The following CCN4 variants were observed in gnomAD, a reference collection of about 807,000 sequenced individuals.
The protein encoded by CCN4 is CCN family member 4.
In CCN4, 30 loss-of-function variants were observed where a neutral mutation model predicts 36.7. The observed-to-expected ratio is 0.82, with a 90% CI of 0.61 to 1.11. CCN4 has a LOEUF of 1.11. Ranked by LOEUF, CCN4 falls within the 50% of genes least tolerant of loss-of-function variation. CCN4 has a pLI of 0.00. For synonymous variants in CCN4, 191 were observed against 195.4 expected (o/e 0.98, Z 0.19); for missense variants, 505 against 504.9 (o/e 1.00, Z 0.00).
Position 133,231,525 on chromosome 8 carries a change from G to T in CCN4, c.*3815G>T, listed in dbSNP as rs1012132506. On this transcript the variant is annotated 3_prime_UTR_variant, in exon 5 of 5. Coordinates refer to ENST00000250160, the MANE Select transcript of CCN4 (RefSeq NM_003882.4). ...GTAGCGTGGAATGTGTTTGCTCAAT[G>T]TGAAGGGTTTTCATTGCTCAATTTC... The T allele has an allele frequency of 6.6e-6, 1 of 152,168 alleles. No individual in the cohort carries two copies. Among genetic ancestry groups the T allele is most frequent in the African/African-American group, 2.4e-5 (1 of 41,438 alleles). The allele number at this position is 152,168 out of a possible 1,614,324, so 9.4% of individuals were successfully genotyped here. A position where few individuals can be genotyped will look rare whatever the true frequency, so the allele number is the denominator to read the frequency against.
rs539032136 is a variant in CCN4, at chr8:133,191,791, C to G, written c.69+578C>G. Among the ~76,000 whole-genome samples the G allele has an allele frequency of 2.0e-5, 3 of 152,310 alleles. No homozygotes were observed. The South Asian group carries it at 6.2e-4, about 32-fold the overall frequency. On this transcript the variant is annotated intron_variant, in intron 1 of 4. Coordinates refer to ENST00000250160, the MANE Select transcript of CCN4 (RefSeq NM_003882.4). Reference sequence around the variant, plus strand: ...TGTCTAACCCCAACTGCTGTCACCTCCGGTCTGCACAGCCCTCTGCAGTCT... The same window carrying G: ...TGTCTAACCCCAACTGCTGTCACCTGCGGTCTGCACAGCCCTCTGCAGTCT...
chr8:133,192,901 G>A (rs1258366408), intron 1 of CCN4, among the ~76,000 whole-genome samples: 1 of 152,222 alleles, frequency 6.6e-6, no homozygotes, highest in Non-Finnish European at 1.5e-5. Flanking sequence ...AGAGCGTGTG[G>A]AGGGACCCAG....
chr8:133,194,472 T>G (rs1853253763), intron 1 of CCN4, among the ~76,000 whole-genome samples: 1 of 86,234 alleles, frequency 1.2e-5, no homozygotes, highest in African/African-American at 5.1e-5. Context: ...GTGGGGTGTG[T>G]GTGTGTGTGG....
chr8:133,201,913 CAACT>C (rs1853601543), intron 1 of CCN4, among the ~76,000 whole-genome samples: 1 of 152,028 alleles, frequency 6.6e-6, no homozygotes, highest in South Asian at 2.1e-4. Context: ...GGAACAAGAC[CAACT>C]AAGTGTTGAT....
chr8:133,223,907 T>C (rs1257459242), intron 3 of CCN4, among the ~76,000 whole-genome samples: 1 of 152,170 alleles, frequency 6.6e-6, no homozygotes, highest in Non-Finnish European at 1.5e-5. Context: ...GCACTTACTA[T>C]CTTCTAGATG....
intron 3 of CCN4, among the ~76,000 whole-genome samples, chr8:133,221,412 G>A (rs993050478): frequency 1.3e-5 from 2 of 152,210 alleles, no homozygotes; most frequent in African/African-American, 4.8e-5. Context: ...CTGATGGGTG[G>A]GCAGATGGAT....
chr8:133,192,096 C>A (rs1853136401), intron 1 of CCN4, among the ~76,000 whole-genome samples: 1 of 152,156 alleles, frequency 6.6e-6, no homozygotes, highest in African/African-American at 2.4e-5. Context: ...TTCCACAGCC[C>A]AGGGCAGGAC....
chr8:133,216,905 A>G (rs1231108672), intron 2 of CCN4, among the ~76,000 whole-genome samples: 1 of 152,220 alleles, frequency 6.6e-6, no homozygotes, highest in Admixed American at 6.5e-5. Flanking sequence ...AAGGAAAGTT[A>G]CCTCAGTCTT....
intron 1 of CCN4, among the ~76,000 whole-genome samples, chr8:133,193,870 A>T (rs1188138025): frequency 6.6e-6 from 1 of 152,158 alleles, no homozygotes; most frequent in Non-Finnish European, 1.5e-5. Flanking sequence ...GACAGAGTTT[A>T]CTGGCTAGTG....
At chr8:133,212,387 CTCT>C in intron 1 of CCN4, among the ~76,000 whole-genome samples, 1 of 151,912 alleles carries the variant, frequency 6.6e-6, no homozygotes, top group Admixed American at 6.6e-5. Flanking sequence ...AGTAGGAGTC[CTCT>C]GACTCAGAGA....
intron 1 of CCN4, among the ~76,000 whole-genome samples, chr8:133,206,029 G>A (rs764538635): frequency 2.6e-5 from 4 of 152,134 alleles, no homozygotes; most frequent in Non-Finnish European, 2.9e-5. Flanking sequence ...TTAGGGGCCC[G>A]AGCTCCCGGG....
intron 1 of CCN4, among the ~76,000 whole-genome samples, chr8:133,191,539 C>T (rs369820782): frequency 1.8e-4 from 27 of 152,304 alleles, no homozygotes; most frequent in African/African-American, 3.1e-4. Flanking sequence ...GACCCGTCTT[C>T]GCCTAACCTG....
intron 2 of CCN4, among the ~76,000 whole-genome samples, chr8:133,220,136 T>C (rs1008734897): frequency 2.0e-5 from 3 of 152,168 alleles, no homozygotes; most frequent in Non-Finnish European, 2.9e-5. Flanking sequence ...CCCCAGCACA[T>C]AGAAGGCTCC....
At chr8:133,210,609 G>C (rs1853983119) in intron 1 of CCN4, among the ~76,000 whole-genome samples, 1 of 151,642 alleles carries the variant, frequency 6.6e-6, no homozygotes, top group African/African-American at 2.4e-5. Flanking sequence ...CCCTGCAGGG[G>C]GCTGCAGGCA....
intron 4 of CCN4, 125 bp downstream of exon 4, chr8:133,225,708 G>A (rs1341151739): frequency 1.0e-5 from 10 of 971,356 alleles, no homozygotes; most frequent in Non-Finnish European, 1.4e-5. Context: ...CACCTGGTAG[G>A]TCTGGTGTAA....
rs1854956499 is a variant in CCN4, at chr8:133,231,313, T to G, written c.*3603T>G. The G allele has an allele frequency of 1.3e-5, 2 of 152,190 alleles. No homozygotes were observed. Among genetic ancestry groups the G allele is most frequent in the Admixed American group, 6.5e-5 (1 of 15,278 alleles). The allele number at this position is 152,190 out of a possible 1,614,324, so 9.4% of individuals were successfully genotyped here. The stretch of plus-strand genomic sequence containing the variant: ...CATAAGTCAACTATGTATCCCTGTG[T>G]GTGTATATATATGTATGTATGTATC... On this transcript the variant is annotated 3_prime_UTR_variant, in exon 5 of 5. Transcript: ENST00000250160.
chr8:133,201,803 A>C (rs540118173), intron 1 of CCN4, among the ~76,000 whole-genome samples: 7 of 152,232 alleles, frequency 4.6e-5, no homozygotes, highest in South Asian at 2.1e-4. Context: ...AGATCACGCC[A>C]CTGCACTCCA....
At chr8:133,214,016 TAG>T (rs1564261079) in intron 2 of CCN4, among the ~76,000 whole-genome samples, 278 of 1,356 alleles carry the variant, frequency 0.21, no homozygotes, top group East Asian at 0.29. Flanking sequence ...CTATATATAG[TAG>T]TTATACATAC....
intron 1 of CCN4, among the ~76,000 whole-genome samples, chr8:133,211,373 A>G (rs1854023698): frequency 6.6e-6 from 1 of 152,256 alleles, no homozygotes; most frequent in East Asian, 1.9e-4. Context: ...AAGAGAGACT[A>G]TGAGCTAACT....
Sources: allele counts gnomAD v4.1 joint callset (sites outside exome capture counted in the v4.1 genomes callset), GRCh38; gene constraint gnomAD v4.1.1; transcripts MANE v1.5; gene names NCBI Gene and HGNC (gene_info 2026-07-23, HGNC 2026-07-21).